Variants in PCDHA11 observed in about 807,000 individuals in gnomAD.
The protein encoded by PCDHA11 is protocadherin alpha 11.
PCDHA11 carries 61 observed loss-of-function variants against 70.3 expected under a neutral mutation model. That is an observed-to-expected ratio of 0.87 (90% confidence interval 0.71 to 1.07). PCDHA11 has a LOEUF of 1.07. PCDHA11 is among the 50% of genes least tolerant of loss of function. The pLI is 0.00. For synonymous variants in PCDHA11, 633 were observed against 555.1 expected, an observed-to-expected ratio of 1.14 and a Z score of -1.97; for missense variants, 1,324 against 1,237.5, an observed-to-expected ratio of 1.07 and a Z score of -1.05.
chr5:140,928,792 G>T (rs1190569981), intron 1 of PCDHA11: 1 of 1,614,048 alleles, frequency 6.2e-7, no homozygotes, highest in African/African-American at 1.3e-5. Context: ...TAAGCAGAGG[G>T]TGGTGGTAGT....
chr5:140,884,708 T>C, intron 1 of PCDHA11: 1 of 1,479,044 alleles, frequency 6.8e-7, no homozygotes, highest in Non-Finnish European at 9.0e-7. Flanking sequence ...ACTTTAGCCT[T>C]CCTTGCAGTT....
chr5:141,002,246 C>G (rs1217451636), intron 3 of PCDHA11, among the ~76,000 whole-genome samples: 1 of 152,190 alleles, frequency 6.6e-6, no homozygotes, highest in Non-Finnish European at 1.5e-5. Flanking sequence ...CTTTATTAAC[C>G]TCAGCACTGA....
rs183950754 is a variant in PCDHA11, at chr5:140,960,187, T to G, written c.2392-18762T>G. On this transcript the variant is annotated intron_variant, in intron 1 of 3. Coordinates refer to ENST00000398640, the MANE Select transcript of PCDHA11 (RefSeq NM_018902.5). ...CAATTCTTAAGTTAGGGGTTGCATG[T>G]GTAGTGGTCAGATGTTATTTCAGGA... 3.5e-3 allele frequency among the ~76,000 whole-genome samples: 529 copies of G among 152,196 alleles called. 22 individuals are homozygous for G. Among genetic ancestry groups the G allele is most frequent in the Admixed American group, 0.032 (493 of 15,274 alleles).
chr5:140,927,309 C>T (rs2084071798), intron 1 of PCDHA11: 4 of 1,614,058 alleles, frequency 2.5e-6, no homozygotes, highest in Admixed American at 1.7e-5. Context: ...TCCTGACGCC[C>T]GGAGCCCGCT....
chr5:141,009,999 G>A lies in PCDHA11; in HGVS notation c.*62G>A. 1 of 1,575,110 alleles carries A rather than the reference G, an allele frequency of 6.3e-7. No individual in the cohort carries two copies. The highest frequency in any genetic ancestry group is 1.2e-5 in the South Asian group (1 of 82,646). On this transcript the variant is annotated 3_prime_UTR_variant, in exon 4 of 4. Coordinates refer to ENST00000398640, the MANE Select transcript of PCDHA11 (RefSeq NM_018902.5). ...TGTAATAATGGCAAATCTCTCCCAT[G>A]TAGCAATTCCCTGCTCCTTTTTCCT...
intron 3 of PCDHA11, among the ~76,000 whole-genome samples, chr5:141,002,788 A>G (rs1013908430): frequency 6.6e-6 from 1 of 152,192 alleles, no homozygotes; most frequent in Admixed American, 6.5e-5. Context: ...TCTCCATTTT[A>G]TGGATGAGGA....
chr5:140,969,274 TG>T, intron 1 of PCDHA11: 1 of 1,614,158 alleles, frequency 6.2e-7, no homozygotes, highest in Non-Finnish European at 8.5e-7. Flanking sequence ...CAGGCCAAAG[TG>T]GTCAGAATGC....
At chr5:140,983,408 A>C (rs1554245369) in intron 3 of PCDHA11, among the ~76,000 whole-genome samples, 1 of 152,208 alleles carries the variant, frequency 6.6e-6, no homozygotes, top group East Asian at 1.9e-4. Context: ...GGGAAGATTA[A>C]GTGTTGGTAG....
rs781920774 is a variant in PCDHA11 at position 140,882,850 on chromosome 5, T to A, written c.2391+11356T>A. 4 of 1,614,090 alleles carry A rather than the reference T, an allele frequency of 2.5e-6. No homozygotes were observed. In the African/African-American group the frequency reaches 5.3e-5, roughly 22 times the overall value. ...TTGAGCAAATGTCTTCATTATCACT[T>A]GTACTGAGGAAAACACTGGACAGAG... On this transcript the variant is annotated intron_variant, in intron 1 of 3. Coordinates refer to ENST00000398640, the MANE Select transcript of PCDHA11 (RefSeq NM_018902.5).
Position 140,871,438 on chromosome 5 carries a change from C to T in PCDHA11, c.2335C>T (p.Leu779=). The change falls in exon 1 of 4, where the codon CTG becomes TTG. Residue 779 remains leucine, a synonymous_variant. Coordinates refer to ENST00000398640, the MANE Select transcript of PCDHA11 (RefSeq NM_018902.5). The part of the protein sequence containing the change: ...MAFSPSLPLG[L]NKEEEGERQE... Reference sequence around the variant, plus strand: ...CTTCAGCCCCAGTCTTCCTCTAGGTCTGAATAAAGAGGAGGAAGGGGAAAG... The same window carrying T: ...CTTCAGCCCCAGTCTTCCTCTAGGTTTGAATAAAGAGGAGGAAGGGGAAAG... 6.2e-7 allele frequency: 1 copy of T among 1,611,836 alleles called. No homozygotes were observed.
intron 1 of PCDHA11, among the ~76,000 whole-genome samples, chr5:140,932,575 G>A (rs1554208974): frequency 6.6e-6 from 1 of 151,674 alleles, no homozygotes; most frequent in South Asian, 2.1e-4. Context: ...TTTCCCATAG[G>A]GTAATTAGAT....
In PCDHA11 at chr5:140,871,246, C is replaced by A; in HGVS notation, c.2143C>A (p.Leu715Met). 6.2e-7 allele frequency: 1 copy of A among 1,613,982 alleles called. No individual in the cohort carries two copies. The highest frequency in any genetic ancestry group is 8.5e-7 in the Non-Finnish European group (1 of 1,179,958). ...GTCCAGCCTCCTGGTACTCACGCTGCTGCTGTATACGGCGCTGTGGTGGTC... is the reference window on the plus strand; with the variant it reads ...GTCCAGCCTCCTGGTACTCACGCTGATGCTGTATACGGCGCTGTGGTGGTC... Reference protein sequence around the residue: ...VVSSLLVLTLLLYTALWWSAT... With the variant: ...VVSSLLVLTLMLYTALWWSAT... Residue 715 changes from leucine to methionine, a missense_variant, in exon 1 of 4, where the codon CTG becomes ATG. By Grantham distance (15) the Leu-to-Met change is conservative. Coordinates refer to ENST00000398640, the MANE Select transcript of PCDHA11 (RefSeq NM_018902.5).
At chr5:140,952,789 A>T (rs564361136) in intron 1 of PCDHA11, among the ~76,000 whole-genome samples, 1 of 152,316 alleles carries the variant, frequency 6.6e-6, no homozygotes, top group South Asian at 2.1e-4. Context: ...AAAGAGGTTT[A>T]ACTGGCTCGC....
chr5:140,883,973 G>A (rs782157297), intron 1 of PCDHA11: 45 of 1,612,722 alleles, frequency 2.8e-5, no homozygotes, highest in Non-Finnish European at 3.5e-5. Flanking sequence ...GCTGACGCCC[G>A]GGGCTGGCAG....
chr5:140,902,855 G>A lies in PCDHA11; in HGVS notation c.2391+31361G>A, dbSNP rs137957286. On this transcript the variant is annotated intron_variant, in intron 1 of 3. Coordinates refer to ENST00000398640, the MANE Select transcript of PCDHA11 (RefSeq NM_018902.5). ...GAGTTACTTCACTTAGAAAAATGGC[G>A]TCCAGGTCCACCCAAGCTGCTGCAA... is the stretch of plus-strand genomic sequence containing the variant. Among the ~76,000 whole-genome samples, 742 of 152,204 alleles carry A rather than the reference G, an allele frequency of 4.9e-3. 1 individual carries two copies. The highest frequency in any genetic ancestry group is 7.5e-3 in the Admixed American group (115 of 15,274).
At chr5:140,900,956 C>G (rs2068392622) in intron 1 of PCDHA11, among the ~76,000 whole-genome samples, 1 of 152,160 alleles carries the variant, frequency 6.6e-6, no homozygotes, top group African/African-American at 2.4e-5. Flanking sequence ...CTCTGATTAT[C>G]AGTGATGTTG....
intron 1 of PCDHA11, among the ~76,000 whole-genome samples, chr5:140,942,637 A>C (rs1175766630): frequency 6.6e-6 from 1 of 152,178 alleles, no homozygotes; most frequent in African/African-American, 2.4e-5. Context: ...AAAATGGCAA[A>C]AGAGATCTCA....
chr5:140,974,701 A>G (rs1299087234), intron 1 of PCDHA11, among the ~76,000 whole-genome samples: 2 of 152,012 alleles, frequency 1.3e-5, no homozygotes, highest in Non-Finnish European at 2.9e-5. Flanking sequence ...GGGTTTCACC[A>G]TGTTGTTCAA....
chr5:140,966,613 A>T, intron 1 of PCDHA11: 1 of 756,596 alleles, frequency 1.3e-6, no homozygotes, highest in Non-Finnish European at 1.9e-6. Flanking sequence ...GGGAGGGCCT[A>T]CGGAGGGAGC....
Sources: gnomAD v4.1 joint callset for allele counts (sites outside exome capture counted in the v4.1 genomes callset) on GRCh38, gnomAD v4.1.1 for gene constraint, MANE v1.5 for transcripts, NCBI Gene and HGNC (gene_info 2026-07-23, HGNC 2026-07-21) for gene names.